Variants in ARHGAP39 observed in about 807,000 individuals in gnomAD.
ARHGAP39 encodes the protein rho GTPase-activating protein 39.
Under a neutral mutation model 106.9 loss-of-function variants are expected in ARHGAP39, and 44 were observed. The ratio of observed to expected loss-of-function variants is 0.41; its 90% CI spans 0.32 to 0.53. The LOEUF (loss-of-function observed/expected upper bound fraction) is 0.53. Among genes scored for constraint, ARHGAP39 ranks in the 20% least tolerant of loss-of-function variants. The pLI, the probability that ARHGAP39 is intolerant of heterozygous loss-of-function variation, is 0.21. For missense variants in ARHGAP39, 1,496 were observed against 1,577.3 expected (o/e 0.95, Z 0.87); for synonymous variants, 768 against 693.2 (o/e 1.11, Z -1.69).
chr8:144,542,420 G>C (rs549781065), intron 6 of ARHGAP39, among the ~76,000 whole-genome samples: 1 of 152,110 alleles, frequency 6.6e-6, no homozygotes, highest in Non-Finnish European at 1.5e-5. Context: ...AGGCAGGCAG[G>C]GTGCTCAGGG....
chr8:144,533,683 C>T (rs138637262), intron 8 of ARHGAP39, among the ~76,000 whole-genome samples: 126 of 152,342 alleles, frequency 8.3e-4, no homozygotes, highest in Middle Eastern at 6.8e-3. Context: ...AGTCCTGGGC[C>T]GGCCAGGGCT....
chr8:144,636,258 C>T (rs1361341592), intron 1 of ARHGAP39, among the ~76,000 whole-genome samples: 1 of 152,184 alleles, frequency 6.6e-6, no homozygotes, highest in Non-Finnish European at 1.5e-5. Context: ...TTGATTCTTA[C>T]GGGGTGAGTG....
chr8:144,669,007 C>A (rs1458635885), intron 1 of ARHGAP39, among the ~76,000 whole-genome samples: 2 of 151,828 alleles, frequency 1.3e-5, no homozygotes, highest in Non-Finnish European at 2.9e-5. Context: ...CAGAAATAAA[C>A]CCTCAAATTT....
chr8:144,621,221 A>G (rs1269781336), intron 1 of ARHGAP39, among the ~76,000 whole-genome samples: 2 of 152,280 alleles, frequency 1.3e-5, no homozygotes, highest in African/African-American at 4.8e-5. Flanking sequence ...AGTTGTGCAA[A>G]GGGGCAGCAG....
At chr8:144,582,844 G>A (rs936797537) in intron 2 of ARHGAP39, among the ~76,000 whole-genome samples, 3 of 152,186 alleles carry the variant, frequency 2.0e-5, no homozygotes, top group Non-Finnish European at 2.9e-5. Flanking sequence ...CCTGAGGCCC[G>A]CCTGTGGATG....
At chr8:144,618,418 T>TG (rs1359166592) in intron 1 of ARHGAP39, among the ~76,000 whole-genome samples, 2 of 152,270 alleles carry the variant, frequency 1.3e-5, no homozygotes, top group Non-Finnish European at 2.9e-5. Context: ...TGTTTTTGCC[T>TG]GTGTTCGTGG....
chr8:144,532,893 C>T (rs905962037), intron 9 of ARHGAP39, among the ~76,000 whole-genome samples: 26 of 152,188 alleles, frequency 1.7e-4, no homozygotes, highest in African/African-American at 5.5e-4. Flanking sequence ...TCTGCAGGGG[C>T]GCCCTCCCTG....
intron 6 of ARHGAP39, among the ~76,000 whole-genome samples, chr8:144,540,753 C>T (rs566608302): frequency 5.9e-5 from 9 of 152,102 alleles, no homozygotes; most frequent in Admixed American, 1.3e-4. Flanking sequence ...TGAGCAGTGA[C>T]GTCACCACTG....
chr8:144,545,884 C>G, intron 5 of ARHGAP39, 74 bp from the exon 6 acceptor site: 1 of 1,341,666 alleles, frequency 7.5e-7, no homozygotes, highest in Non-Finnish European at 9.9e-7. Flanking sequence ...GGGCCACAGT[C>G]CCCAGAAGTG....
chr8:144,536,588 A>G (rs890871780), intron 7 of ARHGAP39, among the ~76,000 whole-genome samples: 1 of 152,206 alleles, frequency 6.6e-6, no homozygotes, highest in African/African-American at 2.4e-5. Context: ...GTCTGTGGCC[A>G]GGAATCTCAC....
At chr8:144,562,993 C>T (rs1818258464) in intron 3 of ARHGAP39, among the ~76,000 whole-genome samples, 1 of 152,238 alleles carries the variant, frequency 6.6e-6, no homozygotes, top group Non-Finnish European at 1.5e-5. Context: ...AAAGAATTAG[C>T]CTCTATCACT....
At chr8:144,619,396 A>G (rs2976603) in intron 1 of ARHGAP39, among the ~76,000 whole-genome samples, 145,615 of 151,742 alleles carry the variant, frequency 0.96, 69,940 homozygotes, top group Non-Finnish European at 1. Flanking sequence ...GTGTGTGCCC[A>G]TGTGCGTGTG....
At chr8:144,690,782 C>A (rs1400214014), upstream of ARHGAP39, among the ~76,000 whole-genome samples, 2 of 150,230 alleles carry the variant, frequency 1.3e-5, no homozygotes, top group African/African-American at 4.9e-5. Flanking sequence ...GTAGCTGGAA[C>A]TACAGGCACA....
chr8:144,649,810 T>G (rs1451052191), intron 1 of ARHGAP39, among the ~76,000 whole-genome samples: 1 of 151,864 alleles, frequency 6.6e-6, no homozygotes, highest in African/African-American at 2.4e-5. Flanking sequence ...AAAATAACCA[T>G]CAGAAACTAC....
Position 144,545,556 on chromosome 8 carries a change from G to A in ARHGAP39, c.2214C>T (p.His738=), listed in dbSNP as rs201414172. ...AGAGCTCGCAGGCCTCCTTCTTCAC[G>A]TGCCGGTCGCTTGTCACGATCATGG... ...KKPMIVTSDR[H]VKKEACELFK... Residue 738 remains histidine (H), a synonymous_variant, in exon 6 of 12, where the codon CAC becomes CAT. Transcript: ENST00000377307. 26 of 1,613,722 alleles carry A rather than the reference G, an allele frequency of 1.6e-5. No individual in the cohort carries two copies. The highest frequency in any genetic ancestry group is 8.3e-5 in the Admixed American group (5 of 60,028).
rs1421170266 is a variant in ARHGAP39, at chr8:144,647,099, G to A, written c.-82+38587C>T. Among the ~76,000 whole-genome samples the A allele has an allele frequency of 1.3e-5, 2 of 151,716 alleles. No individual in the cohort carries two copies. The highest frequency in any genetic ancestry group is 2.9e-5 in the Non-Finnish European group (2 of 67,992). Reference sequence around the variant, plus strand: ...TTCTCCTGCCTCAGCCTCCCGAGTAGCTGGGACTACAGCCACCCGCCACCA... The same window carrying A: ...TTCTCCTGCCTCAGCCTCCCGAGTAACTGGGACTACAGCCACCCGCCACCA... On this transcript the variant is annotated intron_variant, in intron 1 of 11. Coordinates refer to ENST00000377307, the MANE Select transcript of ARHGAP39 (RefSeq NM_025251.3). The surrounding 1 kb of genome is among the most constrained non-coding windows in gnomAD (Gnocchi z 4.8).
At position 144,550,544 on chromosome 8, in the gene ARHGAP39, G is replaced by C. The variant is rs575213598; in HGVS notation, c.597-2055C>G. On this transcript the variant is annotated intron_variant, in intron 4 of 11. Coordinates refer to ENST00000377307, the MANE Select transcript of ARHGAP39 (RefSeq NM_025251.3). ...GACAAGGCCACATTCCCCATTGCCT[G>C]GGGGGTTGGTGAGGCAAGGCCAGGA... Among the ~76,000 whole-genome samples the C allele has an allele frequency of 9.8e-5, 15 of 152,368 alleles. No homozygotes were observed. In the South Asian group the frequency reaches 3.1e-3, roughly 32 times the overall value.
chr8:144,572,856 A>C (rs1818633255), intron 3 of ARHGAP39, among the ~76,000 whole-genome samples: 1 of 152,246 alleles, frequency 6.6e-6, no homozygotes, highest in Non-Finnish European at 1.5e-5. Context: ...TTATGCAGCC[A>C]ACAGACACAT....
upstream of ARHGAP39, among the ~76,000 whole-genome samples, chr8:144,689,838 T>C (rs2976619): frequency 0.12 from 16,836 of 143,314 alleles, 2,426 homozygotes; most frequent in East Asian, 0.38. Flanking sequence ...TTCCGCCTCC[T>C]GGGTTCAAGC....
Sources: gnomAD v4.1 joint callset for allele counts (sites outside exome capture counted in the v4.1 genomes callset) on GRCh38, gnomAD v4.1.1 for gene constraint, Gnocchi (gnomAD v3.1) non-coding constraint, MANE v1.5 for transcripts, NCBI Gene and HGNC (gene_info 2026-07-23, HGNC 2026-07-21) for gene names.